The following TDRKH variants were observed in gnomAD, a reference collection of about 807,000 sequenced individuals.
The protein encoded by TDRKH is tudor and KH domain containing, also known as tudor and KH domain-containing protein.
Under a neutral mutation model 61.3 loss-of-function variants are expected in TDRKH, and 28 were observed. The ratio of observed to expected loss-of-function variants is 0.46; its 90% CI spans 0.34 to 0.63. TDRKH has a LOEUF of 0.63. Among genes scored for constraint, TDRKH ranks in the 20% least tolerant of loss-of-function variants. The probability of loss-of-function intolerance (pLI) is 0.01; values close to 1 mark genes in which losing one functional copy is unlikely to be tolerated. For synonymous variants in TDRKH, 219 were observed against 244.4 expected (o/e 0.90, Z 0.97); for missense variants, 540 against 683.4 (o/e 0.79, Z 2.34).
downstream of TDRKH, chr1:151,771,046 T>C (rs757865589): frequency 5.2e-6 from 8 of 1,541,116 alleles, 1 homozygote; most frequent in South Asian, 2.6e-5. Flanking sequence ...TTTTAAAGCA[T>C]GTTCTAATCA....
chr1:151,776,621 G>A, intron 6 of TDRKH, 22 bp from the exon 7 acceptor site: 1 of 1,612,680 alleles, frequency 6.2e-7, no homozygotes, highest in Non-Finnish European at 8.5e-7. Context: ...GATAAGGATG[G>A]TGGCCACATC....
chr1:151,775,057 T>C lies in TDRKH; in HGVS notation c.1536+8A>G, dbSNP rs1188013585. 3 of 1,613,906 alleles carry C rather than the reference T, an allele frequency of 1.9e-6. No homozygotes were observed. The highest frequency in any genetic ancestry group is 1.7e-4 in the Middle Eastern group (1 of 6,060). On this transcript the variant is annotated splice_region_variant and intron_variant, in intron 11 of 12. Transcript: ENST00000368824. ...GAAGCAGCACCCTATATAACTACAA[T>C]AGCTCACCATGTCCTTCAACATGTC...
At chr1:151,787,901 T>C (rs1319722855) in intron 1 of TDRKH, among the ~76,000 whole-genome samples, 2 of 148,584 alleles carry the variant, frequency 1.3e-5, no homozygotes, top group South Asian at 2.1e-4. Context: ...AGGTGGGAGA[T>C]GGCTTGAGCC....
At chr1:151,787,889 C>A (rs928263630) in intron 1 of TDRKH, among the ~76,000 whole-genome samples, 1 of 149,426 alleles carries the variant, frequency 6.7e-6, no homozygotes. Context: ...CTCAGGAGGC[C>A]GAGGTGGGAG....
At chr1:151,785,012 G>A (rs1008201568) in intron 1 of TDRKH, among the ~76,000 whole-genome samples, 1 of 150,314 alleles carries the variant, frequency 6.7e-6, no homozygotes, top group Middle Eastern at 3.4e-3. Flanking sequence ...GCTCACTGCA[G>A]CCACAACCTC....
chr1:151,774,795 T>G lies in TDRKH; in HGVS notation c.1548A>C (p.Thr516=). ...TGAGCAACGTGCTGAGAGAGGCATC[T>G]GTTTCTGTGGCCTGAGTGGATGAAA... is the stretch of plus-strand genomic sequence containing the variant. The part of the protein sequence containing the change: ...PDMLKDMATE[T]DASLSTLLTE... Residue 516 remains threonine (T), a synonymous_variant, in exon 12 of 13, where the codon ACA becomes ACC. Transcript: ENST00000368824. The G allele has an allele frequency of 1.2e-6, 2 of 1,614,190 alleles. No homozygotes were observed. The highest frequency in any genetic ancestry group is 2.2e-5 in the South Asian group (2 of 91,090).
chr1:151,776,646 T>C, intron 6 of TDRKH, 47 bp from the exon 7 acceptor site: 5 of 1,601,086 alleles, frequency 3.1e-6, no homozygotes, highest in Non-Finnish European at 4.3e-6. Flanking sequence ...CCATCTCTGG[T>C]TGGAATGAAG....
rs374588720 is a variant in TDRKH at position 151,786,724 on chromosome 1, C to A, written c.-28+3656G>T. Among the ~76,000 whole-genome samples the A allele has an allele frequency of 2.6e-4, 39 of 152,230 alleles. No individual in the cohort carries two copies. In the East Asian group the frequency reaches 6.0e-3, roughly 23 times the overall value. ...AAACAAATTTAATCCACCTTCTTGC[C>A]CGGACTCAAAAGCCTGAGCAAATAA... is the stretch of plus-strand genomic sequence containing the variant. On this transcript the variant is annotated intron_variant, in intron 1 of 12. Transcript: ENST00000368824.
At chr1:151,767,731 AG>A (rs1488757824), downstream of TDRKH, among the ~76,000 whole-genome samples, 1 of 152,234 alleles carries the variant, frequency 6.6e-6, no homozygotes, top group Non-Finnish European at 1.5e-5. Flanking sequence ...ATTATTAGTG[AG>A]AAAGGAAGCA....
chr1:151,775,668 G>A (rs967922460), intron 9 of TDRKH, 125 bp from the exon 10 acceptor site: 1 of 1,500,804 alleles, frequency 6.7e-7, no homozygotes, highest in Non-Finnish European at 9.0e-7. Context: ...GGGTCTGCCA[G>A]GCAAGTTTCT....
At chr1:151,767,106 T>C (rs1264534808), downstream of TDRKH, 5 of 1,601,256 alleles carry the variant, frequency 3.1e-6, no homozygotes, top group African/African-American at 1.3e-5. Flanking sequence ...CCTGGTACTG[T>C]GTATCTTCCC....
chr1:151,771,131 A>G (rs776407872), downstream of TDRKH: 2 of 1,613,040 alleles, frequency 1.2e-6, no homozygotes, highest in East Asian at 4.5e-5. Flanking sequence ...AGACCAGATC[A>G]CCCTGCCCTC....
chr1:151,776,388 A>C (rs769641936), intron 7 of TDRKH, 51 bp downstream of exon 7: 2 of 1,604,732 alleles, frequency 1.2e-6, no homozygotes, highest in Admixed American at 3.4e-5. Context: ...ACAATGAAAA[A>C]GATATGCCTT....
chr1:151,781,317 CAAA>C (rs58169893), intron 3 of TDRKH, among the ~76,000 whole-genome samples, 161 bp downstream of exon 3: 1 of 64,794 alleles, frequency 1.5e-5, no homozygotes, highest in African/African-American at 4.4e-5. Flanking sequence ...AACTCCATCT[CAAA>C]AAAAAAAAAT....
intron 4 of TDRKH, chr1:151,779,644 T>C: frequency 2.6e-6 from 1 of 380,950 alleles, no homozygotes; most frequent in East Asian, 4.4e-5. Context: ...TAGAGCACTG[T>C]CTTGAAAGAC....
downstream of TDRKH, chr1:151,772,007 A>T: frequency 2.5e-6 from 1 of 398,556 alleles, no homozygotes; most frequent in Middle Eastern, 6.3e-4. Context: ...AAATAAATGG[A>T]AGCTCCTTAA....
intron 11 of TDRKH, 24 bp downstream of exon 11, chr1:151,775,041 C>A (rs781367049): frequency 6.2e-7 from 1 of 1,610,994 alleles, no homozygotes; most frequent in Admixed American, 1.7e-5. Flanking sequence ...GGAAGCAGCA[C>A]CCTATATAAC....
downstream of TDRKH, chr1:151,771,275 G>GC: frequency 1.3e-6 from 2 of 1,590,006 alleles, no homozygotes; most frequent in Non-Finnish European, 1.7e-6. Context: ...GGAATCAGGG[G>GC]CCCGGGATGT....
At chr1:151,781,317 C>CAAAAAAAAA (rs58169893) in intron 3 of TDRKH, among the ~76,000 whole-genome samples, 164 bp downstream of exon 3, 1 of 64,794 alleles carries the variant, frequency 1.5e-5, no homozygotes, top group South Asian at 3.9e-4. Flanking sequence ...AACTCCATCT[C>CAAAAAAAAA]AAAAAAAAAA....
Sources: allele counts gnomAD v4.1 joint callset (sites outside exome capture counted in the v4.1 genomes callset), GRCh38; gene constraint gnomAD v4.1.1; transcripts MANE v1.5; gene names NCBI Gene and HGNC (gene_info 2026-07-23, HGNC 2026-07-21).